GRIA1: variants seen among roughly 807,000 people sequenced by gnomAD.
GRIA1 encodes glutamate ionotropic receptor AMPA type subunit 1.
GRIA1 carries 31 observed loss-of-function variants against 99.2 expected under a neutral mutation model. The observed-to-expected ratio is 0.31, with a 90% CI of 0.23 to 0.42. The LOEUF (loss-of-function observed/expected upper bound fraction) is 0.42, where lower values mean the gene tolerates loss of function less well. Ranked by LOEUF, GRIA1 falls within the 10% of genes least tolerant of loss-of-function variation. The pLI is 1.00. For missense variants in GRIA1, 782 were observed against 1,157.5 expected (o/e 0.68, Z 4.71); for synonymous variants, 438 against 432.4 (o/e 1.01, Z -0.16).
At position 153,502,284 on chromosome 5, in the gene GRIA1, C is replaced by T. The variant is rs190852796; in HGVS notation, c.220+8219C>T. ...TTTAGCTTCCCATCACAGTCTCCAC[C>T]ACAGTATAGTGTTCAGTGGTGCTAG... On this transcript the variant is annotated intron_variant, in intron 2 of 15. Coordinates refer to ENST00000285900, the MANE Select transcript of GRIA1 (RefSeq NM_000827.4). 8.5e-5 allele frequency among the ~76,000 whole-genome samples: 13 copies of T among 152,280 alleles called. No homozygotes were observed. In the East Asian group the frequency reaches 2.3e-3, roughly 27 times the overall value.
At chr5:153,636,842 A>G (rs967127964) in intron 2 of GRIA1, among the ~76,000 whole-genome samples, 9 of 152,250 alleles carry the variant, frequency 5.9e-5, no homozygotes, top group African/African-American at 2.2e-4. Context: ...GTTGGCTGTT[A>G]TTATTATCCA....
chr5:153,632,087 G>A (rs1369777416), intron 2 of GRIA1, among the ~76,000 whole-genome samples: 1 of 152,188 alleles, frequency 6.6e-6, no homozygotes, highest in African/African-American at 2.4e-5. Context: ...GAGGGGATCT[G>A]TTTGACAGGA....
chr5:153,502,426 T>A (rs1395065443), intron 2 of GRIA1, among the ~76,000 whole-genome samples: 4 of 152,224 alleles, frequency 2.6e-5, no homozygotes, highest in African/African-American at 7.2e-5. Context: ...TAAATACCTA[T>A]GGATGGTTAT....
intron 2 of GRIA1, among the ~76,000 whole-genome samples, chr5:153,620,084 A>C (rs558035397): frequency 2.0e-5 from 3 of 152,270 alleles, no homozygotes; most frequent in Admixed American, 2.0e-4. Context: ...GTGACCTATA[A>C]ATTCTGATTA....
intron 2 of GRIA1, among the ~76,000 whole-genome samples, chr5:153,497,623 AC>A (rs141389272): frequency 0.011 from 1,736 of 152,260 alleles, 29 homozygotes; most frequent in African/African-American, 0.037. Context: ...CTCATGATGA[AC>A]TTTTTACTTC....
At position 153,720,096 on chromosome 5, in the gene GRIA1, G is replaced by A. The variant is rs1031780776; in HGVS notation, c.1823+14029G>A. On this transcript the variant is annotated intron_variant, in intron 11 of 15. Transcript: ENST00000285900. Reference sequence around the variant, plus strand: ...AGTTCCTTAATGAGTCTATAGAATGGGGTCTTAAAATACATATAGTTTCTT... The same window carrying A: ...AGTTCCTTAATGAGTCTATAGAATGAGGTCTTAAAATACATATAGTTTCTT... 2.0e-5 allele frequency among the ~76,000 whole-genome samples: 3 copies of A among 152,204 alleles called. No individual in the cohort carries two copies. The South Asian group carries it at 6.2e-4, about 32-fold the overall frequency.
intron 14 of GRIA1, among the ~76,000 whole-genome samples, chr5:153,801,358 C>T (rs1766014148): frequency 6.8e-6 from 1 of 146,134 alleles, no homozygotes; most frequent in African/African-American, 2.7e-5. Flanking sequence ...TGATTGTTCT[C>T]ACCACTTGGG....
chr5:153,579,560 T>G (rs1756079016), intron 2 of GRIA1, among the ~76,000 whole-genome samples: 1 of 152,192 alleles, frequency 6.6e-6, no homozygotes, highest in African/African-American at 2.4e-5. Flanking sequence ...AAAATAATAC[T>G]GACAATGATG....
chr5:153,534,859 A>G lies in GRIA1; in HGVS notation c.220+40794A>G, dbSNP rs181877491. Among the ~76,000 whole-genome samples, 13 of 152,314 alleles carry G rather than the reference A, an allele frequency of 8.5e-5. No homozygotes were observed. In the East Asian group the frequency reaches 2.5e-3, roughly 29 times the overall value. On this transcript the variant is annotated intron_variant, in intron 2 of 15. Transcript: ENST00000285900. Reference sequence around the variant, plus strand: ...CTTCAGAGAAAAGGGCATATTTGAAAAAGTGTATTCTACACGGTAACCTTC... The same window carrying G: ...CTTCAGAGAAAAGGGCATATTTGAAGAAGTGTATTCTACACGGTAACCTTC...
intron 11 of GRIA1, among the ~76,000 whole-genome samples, chr5:153,760,525 G>C (rs1275416953): frequency 1.3e-5 from 2 of 151,960 alleles, no homozygotes; most frequent in East Asian, 3.9e-4. Flanking sequence ...AGAAATTTAA[G>C]AGGACACAAG....
chr5:153,522,524 T>C (rs77177111), intron 2 of GRIA1, among the ~76,000 whole-genome samples: 3,186 of 152,270 alleles, frequency 0.021, 112 homozygotes, highest in African/African-American at 0.071. Context: ...CATGGGCTAA[T>C]ATAACATGAG....
chr5:153,579,374 T>G (rs773154899), intron 2 of GRIA1, among the ~76,000 whole-genome samples: 1 of 152,150 alleles, frequency 6.6e-6, no homozygotes, highest in Non-Finnish European at 1.5e-5. Flanking sequence ...CAGACTCAAG[T>G]GTGTTATTTA....
chr5:153,542,461 T>A lies in GRIA1; in HGVS notation c.220+48396T>A, dbSNP rs143891312. On this transcript the variant is annotated intron_variant, in intron 2 of 15. Coordinates refer to ENST00000285900, the MANE Select transcript of GRIA1 (RefSeq NM_000827.4). ...GGACTTACTTCAGATGTATAATAAA[T>A]GACATCCCATGAGAATGGCTTGACA... is the stretch of plus-strand genomic sequence containing the variant. Among the ~76,000 whole-genome samples, 65 of 152,318 alleles carry A rather than the reference T, an allele frequency of 4.3e-4. No homozygotes were observed. The East Asian group carries it at 0.011, about 26-fold the overall frequency.
At chr5:153,518,113 G>A (rs539637506) in intron 2 of GRIA1, among the ~76,000 whole-genome samples, 23 of 152,126 alleles carry the variant, frequency 1.5e-4, no homozygotes, top group East Asian at 5.8e-4. Flanking sequence ...CAATTCCCAC[G>A]TTACTTTCTC....
At chr5:153,750,244 C>T (rs762459678) in intron 11 of GRIA1, among the ~76,000 whole-genome samples, 3 of 152,172 alleles carry the variant, frequency 2.0e-5, no homozygotes, top group Non-Finnish European at 4.4e-5. Flanking sequence ...CTGAACACAG[C>T]TCAGCTCAGT....
chr5:153,742,863 T>TAAG (rs1366632440), intron 11 of GRIA1, among the ~76,000 whole-genome samples: 1 of 152,238 alleles, frequency 6.6e-6, no homozygotes, highest in Non-Finnish European at 1.5e-5. Flanking sequence ...CTTCCTATTT[T>TAAG]AAGATCCCTA....
chr5:153,718,380 GA>G (rs1220512323), intron 11 of GRIA1, among the ~76,000 whole-genome samples: 1 of 152,140 alleles, frequency 6.6e-6, no homozygotes, highest in Non-Finnish European at 1.5e-5. Flanking sequence ...AGACTTATAG[GA>G]GGAATTACAG....
intron 7 of GRIA1, among the ~76,000 whole-genome samples, chr5:153,683,560 T>C (rs1452143094): frequency 6.6e-6 from 1 of 152,206 alleles, no homozygotes; most frequent in Non-Finnish European, 1.5e-5. Flanking sequence ...AAGGGGTCCT[T>C]GGGTCACTAG....
chr5:153,707,899 G>C (rs1406371517), intron 11 of GRIA1, among the ~76,000 whole-genome samples: 2 of 152,126 alleles, frequency 1.3e-5, no homozygotes, highest in Non-Finnish European at 2.9e-5. Context: ...GAAGAGTAGA[G>C]AGAACCAAGC....
Sources: gnomAD v4.1 joint callset for allele counts (sites outside exome capture counted in the v4.1 genomes callset) on GRCh38, gnomAD v4.1.1 for gene constraint, MANE v1.5 for transcripts, NCBI Gene and HGNC (gene_info 2026-07-23, HGNC 2026-07-21) for gene names.